The following GALC variants were observed in gnomAD, a reference collection of about 807,000 sequenced individuals.
The protein encoded by GALC is galactocerebrosidase.
A neutral mutation model predicts 91.8 loss-of-function variants in GALC; 77 were observed. The observed-to-expected ratio is 0.84, with a 90% CI of 0.70 to 1.01. GALC has a LOEUF of 1.01. Ranked by LOEUF, GALC falls within the 50% of genes least tolerant of loss-of-function variation. The pLI is 0.00. For synonymous variants in GALC, 357 were observed against 306.7 expected, an observed-to-expected ratio of 1.16 and a Z score of -1.71; for missense variants, 882 against 855.9, an observed-to-expected ratio of 1.03 and a Z score of -0.38.
chr14:87,939,773 C>A, intron 16 of GALC, 132 bp downstream of exon 16: 1 of 750,920 alleles, frequency 1.3e-6, no homozygotes, highest in East Asian at 2.6e-5. Context: ...AGTGGCTTCC[C>A]GGCACCAAGG....
intron 14 of GALC, among the ~76,000 whole-genome samples, chr14:87,944,938 CAT>C (rs1351041219): frequency 1.3e-5 from 2 of 151,328 alleles, no homozygotes; most frequent in African/African-American, 2.4e-5. Flanking sequence ...AAAAGAAACA[CAT>C]GACAGGTGGA....
At chr14:87,945,826 A>G in intron 13 of GALC, 93 bp from the exon 14 acceptor site, 1 of 931,672 alleles carries the variant, frequency 1.1e-6, no homozygotes, top group Non-Finnish European at 1.7e-6. Context: ...ACACTTCTGA[A>G]AGCTTTTAAA....
At chr14:87,980,824 T>TG (rs1171913393) in intron 6 of GALC, among the ~76,000 whole-genome samples, 3 of 152,174 alleles carry the variant, frequency 2.0e-5, no homozygotes, top group Non-Finnish European at 4.4e-5. Context: ...ATACACACAA[T>TG]GCCTGACAAA....
At chr14:87,992,451 G>A (rs1887243480) in intron 1 of GALC, 3 of 1,534,788 alleles carry the variant, frequency 2.0e-6, no homozygotes, top group Admixed American at 2.0e-5. Context: ...CTCTGGAGGA[G>A]CCCATTCTTA....
At chr14:87,952,071 TTAAAAAGTAAAAATAAA>T (rs1885333488) in intron 10 of GALC, among the ~76,000 whole-genome samples, 1 of 151,316 alleles carries the variant, frequency 6.6e-6, no homozygotes, top group Non-Finnish European at 1.5e-5. Context: ...TAAAATTTTT[TTAAAAAGTAAAAATAAA>T]AATAAAGAAA....
At chr14:87,985,723 T>C (rs955637273) in intron 4 of GALC, among the ~76,000 whole-genome samples, 4 of 152,228 alleles carry the variant, frequency 2.6e-5, no homozygotes, top group African/African-American at 9.6e-5. Context: ...AGTTTGAATT[T>C]AAGCCTGTTT....
At chr14:87,974,316 C>A (rs1368391397) in intron 7 of GALC, among the ~76,000 whole-genome samples, 1 of 152,126 alleles carries the variant, frequency 6.6e-6, no homozygotes, top group African/African-American at 2.4e-5. Context: ...ACACAGAAAG[C>A]AGAACTCAGG....
Position 87,993,048 on chromosome 14 carries a change from G to T in GALC, c.117C>A (p.Pro39=). The part of the protein sequence containing the change: ...VPLLLCALLA[P]GGAYVLDDSD... ...AGTCGTCGAGCACGTACGCGCCGCCGGGCGCCAGCAGCGCACACAGCAGCA... is the reference window on the plus strand; with the variant it reads ...AGTCGTCGAGCACGTACGCGCCGCCTGGCGCCAGCAGCGCACACAGCAGCA... The change falls in exon 1 of 17, where the codon CCC becomes CCA. Residue 39 remains proline (P), a synonymous_variant. Coordinates refer to ENST00000261304, the MANE Select transcript of GALC (RefSeq NM_000153.4). 1 of 1,557,846 alleles carries T rather than the reference G, an allele frequency of 6.4e-7. No homozygotes were observed. The highest frequency in any genetic ancestry group is 1.2e-5 in the South Asian group (1 of 85,354).
chr14:87,957,136 T>C (rs1885592165), intron 10 of GALC, among the ~76,000 whole-genome samples: 1 of 152,122 alleles, frequency 6.6e-6, no homozygotes, highest in African/African-American at 2.4e-5. Flanking sequence ...CTGGTTTGAG[T>C]TCCTTATAGA....
At chr14:87,973,509 T>C (rs560518874) in intron 7 of GALC, among the ~76,000 whole-genome samples, 13 of 152,316 alleles carry the variant, frequency 8.5e-5, no homozygotes, top group African/African-American at 1.7e-4. Flanking sequence ...TTAAAACTTG[T>C]AGCTGTCAAA....
upstream of GALC, chr14:87,993,429 G>A (rs1319188951): frequency 9.1e-6 from 14 of 1,535,738 alleles, no homozygotes; most frequent in Admixed American, 2.0e-5. Flanking sequence ...TTTAACGCAG[G>A]GAAGGTGGAT....
At chr14:87,954,256 T>G in intron 10 of GALC, 1 of 1,534,720 alleles carries the variant, frequency 6.5e-7, no homozygotes, top group South Asian at 1.1e-5. Context: ...TTGGAGCACC[T>G]TCAGCCTGAT....
chr14:87,934,880 T>C lies in GALC; in HGVS notation c.1912-2A>G. On this transcript the variant is annotated splice_acceptor_variant, in intron 16 of 16. Coordinates refer to ENST00000261304, the MANE Select transcript of GALC (RefSeq NM_000153.4). LOFTEE classifies it high-confidence loss of function. Reference sequence around the variant, plus strand: ...CAGCATGCCAGAGGTGAAATGACCCTAGAGTAGAAAGAAACACATTCCTTG... The same window carrying C: ...CAGCATGCCAGAGGTGAAATGACCCCAGAGTAGAAAGAAACACATTCCTTG... 6.2e-7 allele frequency: 1 copy of C among 1,600,014 alleles called. No homozygotes were observed. The highest frequency in any genetic ancestry group is 8.6e-7 in the Non-Finnish European group (1 of 1,167,518).
intron 6 of GALC, 133 bp from the exon 7 acceptor site, chr14:87,976,621 G>T: frequency 1.2e-6 from 1 of 811,102 alleles, no homozygotes. Context: ...TTGTTTGTTT[G>T]TTTGTTTTTC....
intron 13 of GALC, 69 bp from the exon 14 acceptor site, chr14:87,945,802 A>G (rs918894064): frequency 4.1e-6 from 5 of 1,207,892 alleles, no homozygotes; most frequent in Non-Finnish European, 6.1e-6. Context: ...CTGATATTTT[A>G]TAGTATGTCT....
At chr14:87,965,434 T>G (rs1885993840) in intron 9 of GALC, 71 bp downstream of exon 9, 2 of 1,507,664 alleles carry the variant, frequency 1.3e-6, no homozygotes, top group Admixed American at 1.7e-5. Context: ...TTATATAATC[T>G]TCTCTAAGTT....
intron 16 of GALC, among the ~76,000 whole-genome samples, chr14:87,935,649 C>T (rs421749): frequency 0.49 from 74,824 of 151,848 alleles, 19,126 homozygotes; most frequent in African/African-American, 0.6. Context: ...TATGATAGTA[C>T]ATTTATGAGC....
chr14:87,969,988 A>G (rs1314693446), intron 7 of GALC, among the ~76,000 whole-genome samples: 2 of 152,248 alleles, frequency 1.3e-5, no homozygotes, highest in African/African-American at 2.4e-5. Context: ...CACTACAAAG[A>G]TACCAACAGA....
In GALC at chr14:87,981,992, G is replaced by A. The variant is rs139778718; in HGVS notation, c.621+213C>T. 2.3e-4 allele frequency among the ~76,000 whole-genome samples: 35 copies of A among 151,990 alleles called. No individual in the cohort carries two copies. The East Asian group carries it at 6.0e-3, about 26-fold the overall frequency. On this transcript the variant is annotated intron_variant, in intron 6 of 16. Transcript: ENST00000261304. ...AACTCTTTAGACAAAGGTAATTCGG[G>A]GCTCACAAAGAATTACATATGCTTT...
Sources: allele counts gnomAD v4.1 joint callset (sites outside exome capture counted in the v4.1 genomes callset), GRCh38; gene constraint gnomAD v4.1.1; transcripts MANE v1.5; gene names NCBI Gene and HGNC (gene_info 2026-07-23, HGNC 2026-07-21).